Variants in PREX2 observed in about 807,000 individuals in gnomAD.
The protein encoded by PREX2 is phosphatidylinositol 3,4,5-trisphosphate-dependent Rac exchanger 2 protein.
In PREX2, 107 loss-of-function variants were observed where a neutral mutation model predicts 203.2. The ratio of observed to expected loss-of-function variants is 0.53; its 90% confidence interval spans 0.45 to 0.62. PREX2 has a LOEUF of 0.62. Among genes scored for constraint, PREX2 ranks in the 20% least tolerant of loss-of-function variants. The pLI is 0.00. For missense variants in PREX2, 1,777 were observed against 1,955.9 expected (o/e 0.91, Z 1.72); for synonymous variants, 672 against 663.6 (o/e 1.01, Z -0.19).
intron 21 of PREX2, among the ~76,000 whole-genome samples, chr8:68,096,720 T>G (rs1411847848): frequency 6.6e-6 from 1 of 152,098 alleles, no homozygotes; most frequent in Non-Finnish European, 1.5e-5. Flanking sequence ...TAAAAAAAAT[T>G]TAGGTATAGT....
At chr8:67,964,951 G>A (rs1189695527) in intron 1 of PREX2, among the ~76,000 whole-genome samples, 16 of 152,116 alleles carry the variant, frequency 1.1e-4, no homozygotes, top group African/African-American at 3.4e-4. Flanking sequence ...ATCACAGCCC[G>A]GACTCTTCTG....
At chr8:68,027,484 G>GT (rs1273978189) in intron 5 of PREX2, among the ~76,000 whole-genome samples, 161 bp downstream of exon 5, 1 of 151,978 alleles carries the variant, frequency 6.6e-6, no homozygotes, top group Non-Finnish European at 1.5e-5. Flanking sequence ...TATATATAGT[G>GT]TAGGAAACAG....
chr8:68,023,229 G>A (rs1563504968), intron 4 of PREX2, among the ~76,000 whole-genome samples: 1 of 152,166 alleles, frequency 6.6e-6, no homozygotes, highest in African/African-American at 2.4e-5. Flanking sequence ...CACTGTGGCT[G>A]TGCCATATTT....
intron 1 of PREX2, among the ~76,000 whole-genome samples, chr8:67,956,627 ATTTAAC>A (rs1212351271): frequency 1.3e-5 from 2 of 152,198 alleles, no homozygotes; most frequent in Non-Finnish European, 2.9e-5. Flanking sequence ...TGTGTAGGCC[ATTTAAC>A]TGTGGGTCAG....
At chr8:68,137,617 T>C (rs1811138567) in intron 32 of PREX2, among the ~76,000 whole-genome samples, 1 of 152,124 alleles carries the variant, frequency 6.6e-6, no homozygotes, top group Non-Finnish European at 1.5e-5. Flanking sequence ...AGATAAGCTA[T>C]GTATGACAAA....
At chr8:68,142,500 C>T (rs1202655254) in intron 33 of PREX2, among the ~76,000 whole-genome samples, 1 of 152,124 alleles carries the variant, frequency 6.6e-6, no homozygotes, top group Non-Finnish European at 1.5e-5. Flanking sequence ...GAAGAAAATT[C>T]CATTGGCTGG....
chr8:68,018,904 T>C (rs1807484443), intron 2 of PREX2, among the ~76,000 whole-genome samples: 1 of 152,230 alleles, frequency 6.6e-6, no homozygotes, highest in Admixed American at 6.5e-5. Flanking sequence ...GTAAAATAAC[T>C]AACTTTAAAA....
At chr8:68,177,866 A>G (rs1333585447) in intron 35 of PREX2, among the ~76,000 whole-genome samples, 1 of 151,850 alleles carries the variant, frequency 6.6e-6, no homozygotes, top group Non-Finnish European at 1.5e-5. Context: ...TTTAGCTTCC[A>G]CTTACAAGTG....
intron 9 of PREX2, 23 bp downstream of exon 9, chr8:68,053,269 G>C: frequency 6.2e-7 from 1 of 1,611,472 alleles, no homozygotes; most frequent in South Asian, 1.1e-5. Flanking sequence ...ATTGGGCGCT[G>C]TTACACTTTG....
chr8:68,228,944 T>TAAAAAAAAAAAAA (rs58993264), intron 39 of PREX2, among the ~76,000 whole-genome samples: 2 of 103,528 alleles, frequency 1.9e-5, no homozygotes, highest in African/African-American at 4.0e-5. Context: ...CTTGTCTCTT[T>TAAAAAAAAAAAAA]AAAAAAAAAA....
intron 1 of PREX2, among the ~76,000 whole-genome samples, chr8:67,981,959 T>C (rs56850427): frequency 0.34 from 52,449 of 152,124 alleles, 9,462 homozygotes; most frequent in East Asian, 0.6. Flanking sequence ...GCACTCTATA[T>C]ACTCTATCTG....
chr8:68,062,489 C>T (rs1585749769), intron 11 of PREX2, among the ~76,000 whole-genome samples: 1 of 152,324 alleles, frequency 6.6e-6, no homozygotes, highest in East Asian at 1.9e-4. Context: ...TTGTACCTAA[C>T]TTGTTGCACT....
chr8:67,984,749 T>C (rs920303559), intron 1 of PREX2, among the ~76,000 whole-genome samples: 8 of 152,170 alleles, frequency 5.3e-5, no homozygotes, highest in Non-Finnish European at 1.2e-4. Context: ...CTGAGGACTC[T>C]CGAATGCACA....
intron 11 of PREX2, among the ~76,000 whole-genome samples, chr8:68,068,565 A>G (rs530834631): frequency 6.6e-6 from 1 of 152,236 alleles, no homozygotes; most frequent in Admixed American, 6.5e-5. Context: ...ACAGTGTGAT[A>G]AAACAGATAC....
intron 7 of PREX2, among the ~76,000 whole-genome samples, chr8:68,042,564 T>C (rs1426284171): frequency 6.6e-6 from 1 of 152,134 alleles, no homozygotes; most frequent in Non-Finnish European, 1.5e-5. Context: ...TCCTCATCAA[T>C]GGGCTTTAGG....
At chr8:68,229,046 A>T (rs1032047657) in intron 39 of PREX2, among the ~76,000 whole-genome samples, 1 of 150,664 alleles carries the variant, frequency 6.6e-6, no homozygotes, top group African/African-American at 2.4e-5. Context: ...CATTTGTGAG[A>T]TGGGGAGAAT....
chr8:68,208,992 C>T lies in PREX2; in HGVS notation c.4605-8624C>T, dbSNP rs927438997. Among the ~76,000 whole-genome samples the T allele has an allele frequency of 5.4e-5, 8 of 148,964 alleles. No individual in the cohort carries two copies. In the East Asian group the frequency reaches 9.8e-4, roughly 18 times the overall value. Reference sequence around the variant, plus strand: ...GCCCAAGGCAGGAGGATCACTTAAGCGCAAGAATTTGCTGCAGTGAGCCAT... The same window carrying T: ...GCCCAAGGCAGGAGGATCACTTAAGTGCAAGAATTTGCTGCAGTGAGCCAT... On this transcript the variant is annotated intron_variant, in intron 37 of 39. Coordinates refer to ENST00000288368, the MANE Select transcript of PREX2 (RefSeq NM_024870.4).
chr8:68,047,865 G>A (rs148318297), intron 8 of PREX2, among the ~76,000 whole-genome samples: 2 of 151,550 alleles, frequency 1.3e-5, no homozygotes, highest in Non-Finnish European at 2.9e-5. Context: ...ATTGCACTTG[G>A]GATGAGACAA....
In PREX2 at chr8:68,223,968, T is replaced by G. The variant is rs543806690; in HGVS notation, c.4708-591T>G. On this transcript the variant is annotated intron_variant, in intron 38 of 39. Transcript: ENST00000288368. ...GGTAACACAGAGCAGGTATTTATAGTCTGCTCATTTACTATTTTCAACATC... is the reference window on the plus strand; with the variant it reads ...GGTAACACAGAGCAGGTATTTATAGGCTGCTCATTTACTATTTTCAACATC... Among the ~76,000 whole-genome samples the G allele has an allele frequency of 4.6e-5, 7 of 152,296 alleles. No homozygotes were observed. In the East Asian group the frequency reaches 1.3e-3, roughly 29 times the overall value.
Sources: gnomAD v4.1 joint callset for allele counts (sites outside exome capture counted in the v4.1 genomes callset) on GRCh38, gnomAD v4.1.1 for gene constraint, MANE v1.5 for transcripts, NCBI Gene and HGNC (gene_info 2026-07-23, HGNC 2026-07-21) for gene names.